TPD52: variants seen among roughly 807,000 people sequenced by gnomAD.
TPD52 encodes prostate and colon associated protein.
Under a neutral mutation model 31.3 loss-of-function variants are expected in TPD52, and 17 were observed. That is an observed-to-expected ratio of 0.54 (90% CI 0.37 to 0.82). TPD52 has a LOEUF of 0.82. Ranked by LOEUF, TPD52 falls within the 40% of genes least tolerant of loss-of-function variation. TPD52 has a pLI of 0.00. For missense variants in TPD52, 212 were observed against 240.1 expected (o/e 0.88, Z 0.77); for synonymous variants, 83 against 89.6 (o/e 0.93, Z 0.42).
chr8:80,086,117 G>GTTTT (rs1366202183), intron 1 of TPD52, among the ~76,000 whole-genome samples: 21 of 88,864 alleles, frequency 2.4e-4, no homozygotes, highest in Non-Finnish European at 3.2e-4. Context: ...TTTTTTTTTA[G>GTTTT]TTTTTTTTTT....
intron 1 of TPD52, among the ~76,000 whole-genome samples, chr8:80,098,937 A>G (rs1205456092): frequency 1.3e-5 from 2 of 152,206 alleles, no homozygotes; most frequent in Non-Finnish European, 2.9e-5. Flanking sequence ...CAGCAACAAA[A>G]AACATTAGGA....
chr8:80,094,471 T>TATATATAC (rs1816568965), intron 1 of TPD52, among the ~76,000 whole-genome samples: 1 of 104,294 alleles, frequency 9.6e-6, no homozygotes, highest in Non-Finnish European at 2.1e-5. Context: ...TATATATATA[T>TATATATAC]ATATATATAT....
intron 1 of TPD52, among the ~76,000 whole-genome samples, chr8:80,134,952 G>A (rs924341144): frequency 1.3e-5 from 2 of 152,206 alleles, no homozygotes; most frequent in African/African-American, 4.8e-5. Flanking sequence ...TCCAAACCCT[G>A]AGATATATGA....
chr8:80,063,100 A>G (rs992643014), intron 2 of TPD52, among the ~76,000 whole-genome samples: 5 of 152,262 alleles, frequency 3.3e-5, no homozygotes, highest in African/African-American at 9.6e-5. Flanking sequence ...TGTTCATAAA[A>G]TGTTCCTAAC....
At chr8:80,136,523 C>CAAAAAA (rs56656428) in intron 1 of TPD52, among the ~76,000 whole-genome samples, 7 of 67,080 alleles carry the variant, frequency 1.0e-4, no homozygotes, top group Non-Finnish European at 2.1e-4. Context: ...GACTCTGTCT[C>CAAAAAA]AAAAAAAAAA....
chr8:80,051,472 A>G (rs1276707318), intron 4 of TPD52, 55 bp downstream of exon 4: 5 of 1,531,416 alleles, frequency 3.3e-6, no homozygotes, highest in African/African-American at 1.4e-5. Context: ...TGCAACAACA[A>G]TAACATTTTA....
At chr8:80,042,797 A>T in intron 6 of TPD52, 129 bp from the exon 7 acceptor site, 7 of 741,812 alleles carry the variant, frequency 9.4e-6, no homozygotes, top group Non-Finnish European at 1.5e-5. Context: ...AATCTGTACC[A>T]TATATGTGCA....
At chr8:80,059,730 T>C (rs915864974) in intron 2 of TPD52, among the ~76,000 whole-genome samples, 8 of 140,370 alleles carry the variant, frequency 5.7e-5, no homozygotes, top group African/African-American at 2.1e-4. Context: ...GGCACGTGCC[T>C]GTAATCCCAG....
chr8:80,138,886 T>C (rs1298804675), intron 1 of TPD52, among the ~76,000 whole-genome samples: 2 of 152,148 alleles, frequency 1.3e-5, no homozygotes, highest in African/African-American at 4.8e-5. Context: ...AAAATATTAG[T>C]ATTCTCAACT....
chr8:80,067,355 A>G (rs1187177879), intron 1 of TPD52: 1 of 152,168 alleles, frequency 6.6e-6, no homozygotes, highest in African/African-American at 2.4e-5. Context: ...TAAAAGGTGC[A>G]GTCTGGAAAA....
At chr8:80,057,597 T>C (rs1266670326) in intron 2 of TPD52, among the ~76,000 whole-genome samples, 2 of 152,120 alleles carry the variant, frequency 1.3e-5, no homozygotes, top group East Asian at 1.9e-4. Context: ...TGTTCTGACT[T>C]ATAAGTGGGA....
intron 2 of TPD52, among the ~76,000 whole-genome samples, chr8:80,059,853 C>T (rs998537565): frequency 2.6e-5 from 4 of 151,278 alleles, no homozygotes; most frequent in African/African-American, 9.7e-5. Flanking sequence ...GGCTCCATCT[C>T]AAAACAAACA....
intron 7 of TPD52, 40 bp from the exon 8 acceptor site, chr8:80,038,275 C>T (rs904667687): frequency 7.5e-6 from 12 of 1,605,946 alleles, no homozygotes; most frequent in South Asian, 6.6e-5. Context: ...CATTATGAAA[C>T]ATAAAACTAG....
intron 6 of TPD52, 71 bp downstream of exon 6, chr8:80,044,096 T>C (rs1006757448): frequency 4.5e-5 from 60 of 1,333,954 alleles, no homozygotes; most frequent in Non-Finnish European, 5.9e-5. Context: ...TTCAGAACAG[T>C]TCAAGTTAAA....
At chr8:80,159,143 T>C (rs2131244937) in intron 1 of TPD52, among the ~76,000 whole-genome samples, 1 of 152,222 alleles carries the variant, frequency 6.6e-6, no homozygotes, top group East Asian at 1.9e-4. Context: ...CAAAAATCAG[T>C]ATCTATTGAG....
Position 80,055,583 on chromosome 8 carries a change from A to G in TPD52, c.136-2153T>C, listed in dbSNP as rs867119074. Among the ~76,000 whole-genome samples the G allele has an allele frequency of 3.9e-5, 6 of 152,318 alleles. No homozygotes were observed. The South Asian group carries it at 1.2e-3, about 32-fold the overall frequency. ...AAATGGGACTAAATTCAAGGAAATC[A>G]TCAACAGAGTGAAGAGATAACCTGT... On this transcript the variant is annotated intron_variant, in intron 2 of 7. Transcript: ENST00000518937.
chr8:80,099,385 A>C (rs995738747), intron 1 of TPD52, among the ~76,000 whole-genome samples: 10 of 152,198 alleles, frequency 6.6e-5, no homozygotes, highest in African/African-American at 2.4e-4. Context: ...CAAACAAAAA[A>C]CACAATGTTT....
At chr8:80,157,271 T>TA (rs34910647) in intron 1 of TPD52, among the ~76,000 whole-genome samples, 57,331 of 144,884 alleles carry the variant, frequency 0.4, 11,354 homozygotes, top group East Asian at 0.72. Flanking sequence ...TCTTGAAGGC[T>TA]AAAAAAAAAA....
intron 4 of TPD52, chr8:80,051,238 A>C: frequency 2.3e-6 from 1 of 426,726 alleles, no homozygotes; most frequent in African/African-American, 2.1e-5. Flanking sequence ...ATTTGCAACC[A>C]AAGACATACT....
Sources: gnomAD v4.1 joint callset for allele counts (sites outside exome capture counted in the v4.1 genomes callset) on GRCh38, gnomAD v4.1.1 for gene constraint, MANE v1.5 for transcripts, NCBI Gene and HGNC (gene_info 2026-07-23, HGNC 2026-07-21) for gene names.